Variants in RBPJ observed in about 807,000 individuals in gnomAD.
The protein encoded by RBPJ is recombination signal binding protein for immunoglobulin kappa J region.
RBPJ carries 9 observed loss-of-function variants against 67.8 expected under a neutral mutation model. That is an observed-to-expected ratio of 0.13 (90% confidence interval 0.08 to 0.23). The LOEUF (loss-of-function observed/expected upper bound fraction) is 0.23. Ranked by LOEUF, RBPJ falls within the 10% of genes least tolerant of loss-of-function variation. The pLI is 1.00. For missense variants in RBPJ, 305 were observed against 595.6 expected, an observed-to-expected ratio of 0.51 and a Z score of 5.08; for synonymous variants, 198 against 203.3, an observed-to-expected ratio of 0.97 and a Z score of 0.22.
At chr4:26,223,795 C>T (rs16878191) in intron 1 of RBPJ, among the ~76,000 whole-genome samples, 3,630 of 152,246 alleles carry the variant, frequency 0.024, 147 homozygotes, top group African/African-American at 0.083. Flanking sequence ...GGAGAGAGTC[C>T]GGGCTGAGAA....
intron 7 of RBPJ, among the ~76,000 whole-genome samples, chr4:26,425,989 C>G (rs1202347896): frequency 1.3e-5 from 2 of 151,114 alleles, no homozygotes; most frequent in African/African-American, 4.9e-5. Context: ...CATGATTGTA[C>G]AAGGTGATTT....
intron 1 of RBPJ, among the ~76,000 whole-genome samples, chr4:26,203,909 T>C (rs1718075750): frequency 6.6e-6 from 1 of 152,178 alleles, no homozygotes; most frequent in Non-Finnish European, 1.5e-5. Flanking sequence ...TGCTGCATGG[T>C]CTCAGCTATG....
rs1735405409 is a variant in RBPJ at position 26,424,098 on chromosome 4, T to C, written c.497-244T>C. Among the ~76,000 whole-genome samples, 1 of 152,254 alleles carries C rather than the reference T, an allele frequency of 6.6e-6. No homozygotes were observed. On this transcript the variant is annotated intron_variant, in intron 5 of 10. Transcript: ENST00000355476. This position sits in a 1 kb window ranked among gnomAD's most constrained non-coding sequence, Gnocchi z 5.3. ...CTAATAATCAGCACCACATTAAACATACTGTGTAGCTTTCACTTTAAAATT... is the reference window on the plus strand; with the variant it reads ...CTAATAATCAGCACCACATTAAACACACTGTGTAGCTTTCACTTTAAAATT...
At chr4:26,370,952 C>T (rs1430832410) in intron 1 of RBPJ, among the ~76,000 whole-genome samples, 3 of 151,782 alleles carry the variant, frequency 2.0e-5, no homozygotes, top group South Asian at 2.1e-4. Flanking sequence ...TGGTGGCGGA[C>T]GCCTGTAGTC....
rs1355887902 is a variant in RBPJ at position 26,431,726 on chromosome 4, C to A, written c.*719C>A. On this transcript the variant is annotated 3_prime_UTR_variant, in exon 11 of 11. Transcript: ENST00000355476. The stretch of plus-strand genomic sequence containing the variant: ...TTTTTAAGATTATATGAAGTCTGTG[C>A]AAAAGCTTTAAAAAAATGCCTCTGC... 6.6e-6 allele frequency: 1 copy of A among 151,966 alleles called. No individual in the cohort carries two copies. Among genetic ancestry groups the A allele is most frequent in the Non-Finnish European group, 1.5e-5 (1 of 67,986 alleles). The allele number at this position is 151,966 out of a possible 1,614,324, so 9.4% of individuals were successfully genotyped here.
intron 1 of RBPJ, among the ~76,000 whole-genome samples, chr4:26,330,479 C>A (rs552741134): frequency 6.6e-6 from 1 of 152,206 alleles, no homozygotes. Flanking sequence ...ATTATATTCA[C>A]TTTTTTGCCT....
At position 26,173,467 on chromosome 4, in the gene RBPJ, C is replaced by T. The variant is rs866632250; in HGVS notation, c.-167+9853C>T. 7.9e-5 allele frequency among the ~76,000 whole-genome samples: 12 copies of T among 151,980 alleles called. No individual in the cohort carries two copies. The South Asian group carries it at 1.0e-3, about 13-fold the overall frequency. ...AGGTTTTGAGTAGGAAGTTTGGAGA[C>T]GAAGATGCTCATAGGTGGGAGATAC... On this transcript the variant is annotated intron_variant, in intron 1 of 4. Coordinates refer to the RBPJ transcript ENST00000512351.
intron 1 of RBPJ, among the ~76,000 whole-genome samples, chr4:26,224,696 T>TGTTA (rs1240210558): frequency 1.3e-5 from 2 of 152,190 alleles, no homozygotes; most frequent in Non-Finnish European, 2.9e-5. Context: ...CCAAGTAACA[T>TGTTA]GAGCTTCTAC....
chr4:26,167,198 G>C (rs1034831019), intron 1 of RBPJ, among the ~76,000 whole-genome samples: 39 of 152,186 alleles, frequency 2.6e-4, no homozygotes, highest in African/African-American at 8.7e-4. Flanking sequence ...TGGCGATGCA[G>C]GCTCTTTTTT....
At chr4:26,200,646 G>A (rs1048216984) in intron 1 of RBPJ, among the ~76,000 whole-genome samples, 5 of 149,620 alleles carry the variant, frequency 3.3e-5, no homozygotes, top group Non-Finnish European at 7.4e-5. Flanking sequence ...ACTCCAAAGC[G>A]AAACTTTCTA....
the RBPJ span, among the ~76,000 whole-genome samples, chr4:26,109,116 T>G: frequency 2.0e-5 from 3 of 150,736 alleles, no homozygotes; most frequent in Non-Finnish European, 4.4e-5. Context: ...TTTTTTTTTT[T>G]TTTTTTTTTG....
At chr4:26,227,133 G>C (rs1386371023) in intron 1 of RBPJ, among the ~76,000 whole-genome samples, 1 of 152,212 alleles carries the variant, frequency 6.6e-6, no homozygotes, top group Non-Finnish European at 1.5e-5. Flanking sequence ...AGTCGTCTGA[G>C]GGTTGGATCC....
intron 3 of RBPJ, among the ~76,000 whole-genome samples, chr4:26,413,488 A>AT (rs1577648192): frequency 6.6e-6 from 1 of 151,956 alleles, no homozygotes; most frequent in East Asian, 1.9e-4. Flanking sequence ...ATTTTGTCTA[A>AT]TTTTTTTGTT....
chr4:26,238,757 G>T (rs1201100068), intron 1 of RBPJ, among the ~76,000 whole-genome samples: 1 of 152,156 alleles, frequency 6.6e-6, no homozygotes, highest in African/African-American at 2.4e-5. Flanking sequence ...AGAAGTGGTG[G>T]GGTCGCGGGA....
intron 2 of RBPJ, among the ~76,000 whole-genome samples, chr4:26,389,818 A>G (rs1300447257): frequency 6.6e-6 from 1 of 152,094 alleles, no homozygotes; most frequent in Non-Finnish European, 1.5e-5. Flanking sequence ...ACCTTCTGAC[A>G]AAACTGCAGG....
intron 1 of RBPJ, chr4:26,362,653 A>G: frequency 6.3e-7 from 1 of 1,595,962 alleles, no homozygotes; most frequent in African/African-American, 1.3e-5. Context: ...TCTCCCAGTG[A>G]CCCCAAGGTC....
intron 1 of RBPJ, among the ~76,000 whole-genome samples, chr4:26,277,514 T>G (rs946812846): frequency 6.6e-6 from 1 of 152,220 alleles, no homozygotes; most frequent in Non-Finnish European, 1.5e-5. Flanking sequence ...ATGCATGGCC[T>G]TGGTGAGTTA....
chr4:26,427,962 TC>T (rs1350847836), intron 7 of RBPJ, among the ~76,000 whole-genome samples: 1 of 152,222 alleles, frequency 6.6e-6, no homozygotes, highest in Non-Finnish European at 1.5e-5. Flanking sequence ...GATAGTATTA[TC>T]TTTCAGATAT....
chr4:26,422,367 A>G (rs1735228089), intron 5 of RBPJ, among the ~76,000 whole-genome samples: 1 of 152,210 alleles, frequency 6.6e-6, no homozygotes, highest in Non-Finnish European at 1.5e-5. Flanking sequence ...AAATGGTGAT[A>G]TTCTAATTTT....
Sources: allele counts gnomAD v4.1 joint callset (sites outside exome capture counted in the v4.1 genomes callset), GRCh38; gene constraint gnomAD v4.1.1; non-coding constraint Gnocchi (gnomAD v3.1); transcripts MANE v1.5; gene names NCBI Gene and HGNC (gene_info 2026-07-23, HGNC 2026-07-21).